Variants in HMBOX1 observed in about 807,000 individuals in gnomAD.
HMBOX1 encodes the protein homeobox-containing protein 1.
A neutral mutation model predicts 54.5 loss-of-function variants in HMBOX1; 14 were observed. The ratio of observed to expected loss-of-function variants is 0.26; its 90% CI spans 0.17 to 0.40. HMBOX1 has a LOEUF of 0.40. Ranked by LOEUF, HMBOX1 falls within the 10% of genes least tolerant of loss-of-function variation. The pLI, the probability that HMBOX1 is intolerant of heterozygous loss-of-function variation, is 1.00. For missense variants in HMBOX1, 332 were observed against 514.4 expected (o/e 0.65, Z 3.43); for synonymous variants, 160 against 181.0 (o/e 0.88, Z 0.93).
chr8:28,891,032 G>C (rs1050425581), intron 1 of HMBOX1: 1 of 152,882 alleles, frequency 6.5e-6, no homozygotes, highest in African/African-American at 2.4e-5. Flanking sequence ...GTGTTGGTTT[G>C]TTTGGGGTGT....
At chr8:28,961,248 T>TAA (rs1327907143) in intron 1 of HMBOX1, among the ~76,000 whole-genome samples, 2 of 152,242 alleles carry the variant, frequency 1.3e-5, no homozygotes, top group African/African-American at 4.8e-5. Context: ...TCTACCATTT[T>TAA]AACGTATATA....
chr8:28,951,397 C>T (rs868006400), intron 1 of HMBOX1, among the ~76,000 whole-genome samples: 1 of 152,194 alleles, frequency 6.6e-6, no homozygotes, highest in African/African-American at 2.4e-5. Flanking sequence ...TCCCAAAGTG[C>T]TGGGATTACA....
intron 1 of HMBOX1, among the ~76,000 whole-genome samples, chr8:28,892,754 T>C (rs902905131): frequency 2.7e-4 from 41 of 152,188 alleles, no homozygotes; most frequent in Non-Finnish European, 4.4e-5. Context: ...AAAATGTGAT[T>C]TCTAAATCTC....
intron 6 of HMBOX1, among the ~76,000 whole-genome samples, chr8:29,031,372 T>C (rs78911187): frequency 0.1 from 15,582 of 152,194 alleles, 877 homozygotes; most frequent in South Asian, 0.24. Context: ...ATATGGCCTA[T>C]GTAAATTTGA....
intron 1 of HMBOX1, among the ~76,000 whole-genome samples, chr8:28,900,313 C>G (rs1016929938): frequency 1.4e-5 from 2 of 144,256 alleles, no homozygotes; most frequent in Admixed American, 7.1e-5. Context: ...AGTTCTACCC[C>G]CAGATTCCTA....
intron 6 of HMBOX1, among the ~76,000 whole-genome samples, chr8:29,037,651 G>A (rs28640055): frequency 0.019 from 2,948 of 152,208 alleles, 93 homozygotes; most frequent in African/African-American, 0.068. Context: ...TCACTTATAT[G>A]ATCTTTGAAA....
chr8:28,923,033 A>C (rs1817811268), intron 1 of HMBOX1, among the ~76,000 whole-genome samples: 1 of 152,174 alleles, frequency 6.6e-6, no homozygotes, highest in South Asian at 2.1e-4. Flanking sequence ...CCTAAAATTG[A>C]CTATTTTAAC....
intron 8 of HMBOX1, among the ~76,000 whole-genome samples, chr8:29,047,778 G>A (rs1186899867): frequency 6.6e-6 from 1 of 151,940 alleles, no homozygotes; most frequent in Non-Finnish European, 1.5e-5. Context: ...TGTTGGTCAG[G>A]CTGGTCTCGA....
intron 5 of HMBOX1, chr8:29,010,032 T>C (rs1834024485): frequency 1.0e-6 from 1 of 984,566 alleles, no homozygotes; most frequent in African/African-American, 1.7e-5. Context: ...ATAAAGAATG[T>C]CATAGAGATG....
At chr8:28,918,374 T>C (rs1035304585) in intron 1 of HMBOX1, among the ~76,000 whole-genome samples, 5 of 151,044 alleles carry the variant, frequency 3.3e-5, no homozygotes, top group Admixed American at 2.0e-4. Flanking sequence ...TGGCTAATTT[T>C]TTGTATTTTT....
chr8:28,897,537 G>C (rs985877017), intron 1 of HMBOX1, among the ~76,000 whole-genome samples: 1 of 152,034 alleles, frequency 6.6e-6, no homozygotes, highest in East Asian at 1.9e-4. Context: ...ATAGCCGGGC[G>C]TGGTGGCACA....
chr8:28,941,162 A>T (rs982646569), intron 1 of HMBOX1, among the ~76,000 whole-genome samples: 1 of 152,192 alleles, frequency 6.6e-6, no homozygotes, highest in African/African-American at 2.4e-5. Flanking sequence ...GTTTCAGCAC[A>T]AACTATCTTT....
Position 28,921,707 on chromosome 8 carries a change from A to T in HMBOX1, c.-58+31029A>T, listed in dbSNP as rs187419969. Among the ~76,000 whole-genome samples, 606 of 152,356 alleles carry T rather than the reference A, an allele frequency of 4.0e-3. 3 individuals carry two copies. Among genetic ancestry groups the T allele is most frequent in the South Asian group, 8.9e-3 (43 of 4,832 alleles). On this transcript the variant is annotated intron_variant, in intron 1 of 9. Coordinates refer to ENST00000287701, the MANE Select transcript of HMBOX1 (RefSeq NM_001135726.3). ...AAGTACAGAACATATACCATAAAAC[A>T]TGCTTATATTTAATTTTAAAAGACA...
chr8:29,013,440 C>T (rs934693619), intron 5 of HMBOX1, among the ~76,000 whole-genome samples: 1 of 152,120 alleles, frequency 6.6e-6, no homozygotes, highest in Non-Finnish European at 1.5e-5. Flanking sequence ...AGCGGAAGTT[C>T]TTTTTTTCAA....
chr8:29,000,351 T>C (rs1832462235), intron 4 of HMBOX1, among the ~76,000 whole-genome samples: 1 of 152,228 alleles, frequency 6.6e-6, no homozygotes, highest in African/African-American at 2.4e-5. Flanking sequence ...CACGGGTCTT[T>C]CCTATACATC....
chr8:29,008,787 C>A (rs1303110647), intron 4 of HMBOX1, among the ~76,000 whole-genome samples: 2 of 152,198 alleles, frequency 1.3e-5, no homozygotes, highest in Middle Eastern at 3.2e-3. Flanking sequence ...CTTTAGGAAT[C>A]TCTTTATCTC....
At chr8:28,983,035 C>T (rs1829648619) in intron 4 of HMBOX1, among the ~76,000 whole-genome samples, 1 of 152,174 alleles carries the variant, frequency 6.6e-6, no homozygotes. Flanking sequence ...CCTGTTTTCG[C>T]AAGCAAGAAC....
At chr8:28,947,396 T>C (rs1463909067) in intron 1 of HMBOX1, among the ~76,000 whole-genome samples, 1 of 152,220 alleles carries the variant, frequency 6.6e-6, no homozygotes, top group Non-Finnish European at 1.5e-5. Flanking sequence ...CCTCCTGAGA[T>C]GTGGAAAGTA....
At chr8:28,947,442 A>G (rs369097840) in intron 1 of HMBOX1, among the ~76,000 whole-genome samples, 2 of 152,192 alleles carry the variant, frequency 1.3e-5, no homozygotes, top group East Asian at 1.9e-4. Context: ...TTGAGAGCAT[A>G]TGAATTCTTT....
Sources: allele counts gnomAD v4.1 joint callset (sites outside exome capture counted in the v4.1 genomes callset), GRCh38; gene constraint gnomAD v4.1.1; transcripts MANE v1.5; gene names NCBI Gene and HGNC (gene_info 2026-07-23, HGNC 2026-07-21).